Variants in PIGL observed in about 807,000 individuals in gnomAD.
PIGL encodes phosphatidylinositol glycan anchor biosynthesis class L.
PIGL carries 22 observed loss-of-function variants against 31.1 expected under a neutral mutation model. The ratio of observed to expected loss-of-function variants is 0.71; its 90% CI spans 0.51 to 1.01. The LOEUF (loss-of-function observed/expected upper bound fraction) is 1.01. PIGL is among the 50% of genes least tolerant of loss of function. The pLI is 0.00. For missense variants in PIGL, 302 were observed against 315.9 expected (o/e 0.96, Z 0.33); for synonymous variants, 131 against 117.4 (o/e 1.12, Z -0.75).
At chr17:16,293,641 A>G (rs1206761967) in intron 2 of PIGL, among the ~76,000 whole-genome samples, 1 of 152,246 alleles carries the variant, frequency 6.6e-6, no homozygotes, top group Non-Finnish European at 1.5e-5. Context: ...CTGTCAAGCA[A>G]CTAGTGCTTG....
chr17:16,305,896 G>C (rs1600847908), intron 3 of PIGL, among the ~76,000 whole-genome samples: 1 of 152,162 alleles, frequency 6.6e-6, no homozygotes, highest in Non-Finnish European at 1.5e-5. Context: ...TGATCCTCCT[G>C]CCTCAACCTC....
intron 6 of PIGL, 149 bp from the exon 7 acceptor site, chr17:16,325,651 G>C (rs752323859): frequency 2.7e-5 from 17 of 640,564 alleles, no homozygotes; most frequent in Non-Finnish European, 3.8e-5. Context: ...ATCCAGAGAG[G>C]TTCGTGGGTT....
chr17:16,284,438 G>A (rs1162105614), intron 2 of PIGL, among the ~76,000 whole-genome samples: 1 of 152,116 alleles, frequency 6.6e-6, no homozygotes, highest in Non-Finnish European at 1.5e-5. Flanking sequence ...TTCTTGCCTG[G>A]GGACTAGACT....
intron 2 of PIGL, among the ~76,000 whole-genome samples, chr17:16,271,536 C>CT (rs775474586): frequency 0.054 from 7,908 of 146,500 alleles, 680 homozygotes; most frequent in African/African-American, 0.18. Flanking sequence ...ACATAGAACA[C>CT]TTTTTTTTTT....
intron 2 of PIGL, among the ~76,000 whole-genome samples, chr17:16,292,137 C>G (rs1305936597): frequency 6.8e-6 from 1 of 148,012 alleles, no homozygotes; most frequent in African/African-American, 2.5e-5. Context: ...CAGGTTCAAG[C>G]GATCTTCCTG....
At chr17:16,229,753 T>G (rs2092670225) in intron 1 of PIGL, among the ~76,000 whole-genome samples, 1 of 152,100 alleles carries the variant, frequency 6.6e-6, no homozygotes, top group Non-Finnish European at 1.5e-5. Flanking sequence ...GATGAGCATC[T>G]TGCATCTTTT....
intron 2 of PIGL, among the ~76,000 whole-genome samples, chr17:16,277,674 A>G (rs1453526390): frequency 6.6e-6 from 1 of 152,186 alleles, no homozygotes; most frequent in Non-Finnish European, 1.5e-5. Flanking sequence ...CCTACATTCA[A>G]TAACACCTGT....
intron 2 of PIGL, among the ~76,000 whole-genome samples, chr17:16,297,783 G>A (rs1021400297): frequency 6.6e-6 from 1 of 152,104 alleles, no homozygotes; most frequent in Non-Finnish European, 1.5e-5. Context: ...TGGAGTGGCC[G>A]ACAGGATAGG....
At chr17:16,286,241 G>A (rs1331977273) in intron 2 of PIGL, among the ~76,000 whole-genome samples, 1 of 152,262 alleles carries the variant, frequency 6.6e-6, no homozygotes, top group Non-Finnish European at 1.5e-5. Context: ...AGTGGGACTC[G>A]GTTTTCAGAG....
intron 2 of PIGL, among the ~76,000 whole-genome samples, chr17:16,289,324 G>T (rs1430778725): frequency 6.6e-6 from 1 of 152,216 alleles, no homozygotes; most frequent in Admixed American, 6.6e-5. Context: ...TTCAGCAACT[G>T]CCTGATGCAA....
intron 2 of PIGL, among the ~76,000 whole-genome samples, chr17:16,241,758 A>T (rs2092724211): frequency 6.6e-6 from 1 of 152,132 alleles, no homozygotes; most frequent in Non-Finnish European, 1.5e-5. Context: ...TCAGTATTAA[A>T]CAAAATTAGC....
chr17:16,273,283 G>C (rs1226630086), intron 2 of PIGL, among the ~76,000 whole-genome samples: 1 of 152,182 alleles, frequency 6.6e-6, no homozygotes, highest in Non-Finnish European at 1.5e-5. Context: ...GTAGGAATTA[G>C]CCAGGTGCAT....
chr17:16,319,272 C>T (rs1050212900), intron 6 of PIGL, among the ~76,000 whole-genome samples: 1 of 148,028 alleles, frequency 6.8e-6, no homozygotes, highest in South Asian at 2.2e-4. Flanking sequence ...TGAACATTTT[C>T]TCCTATTTCA....
At chr17:16,225,987 A>G (rs2142649390) in intron 1 of PIGL, among the ~76,000 whole-genome samples, 1 of 151,724 alleles carries the variant, frequency 6.6e-6, no homozygotes, top group South Asian at 2.1e-4. Flanking sequence ...CAGCCTGGGC[A>G]ACATAGCCAG....
chr17:16,246,133 T>C (rs1287630261), intron 2 of PIGL, among the ~76,000 whole-genome samples: 1 of 151,472 alleles, frequency 6.6e-6, no homozygotes, highest in East Asian at 2.0e-4. Flanking sequence ...ATGGCACCTA[T>C]ATTTTTTATA....
chr17:16,238,982 A>C (rs2092711515), intron 2 of PIGL, among the ~76,000 whole-genome samples: 1 of 145,616 alleles, frequency 6.9e-6, no homozygotes, highest in Admixed American at 6.9e-5. Flanking sequence ...ACCTCAGATG[A>C]TCCATCCGCC....
In PIGL at chr17:16,245,820, AT is replaced by A. The variant is rs35458445; in HGVS notation, c.335+11759del. The stretch of plus-strand genomic sequence containing the variant: ...CACACACACACATATATATATATAT[AT>A]TTTTTTTTGAGACGGAGTCTCGGAG... On this transcript the variant is annotated intron_variant, in intron 2 of 6. Coordinates refer to ENST00000225609, the MANE Select transcript of PIGL (RefSeq NM_004278.4). Among the ~76,000 whole-genome samples the A allele has an allele frequency of 5.9e-3, 828 of 140,712 alleles. 13 individuals are homozygous for A. Among genetic ancestry groups the A allele is most frequent in the African/African-American group, 0.023 (808 of 34,862 alleles). 92.3% of individuals were successfully genotyped at this position (140,712 alleles called of 152,430 possible).
chr17:16,227,650 G>A (rs1253743078), intron 1 of PIGL, among the ~76,000 whole-genome samples: 1 of 134,722 alleles, frequency 7.4e-6, no homozygotes, highest in Non-Finnish European at 1.5e-5. Flanking sequence ...GCATGATCTC[G>A]GCTCACTGCA....
At chr17:16,300,465 G>A (rs2142836424) in intron 3 of PIGL, among the ~76,000 whole-genome samples, 1 of 152,286 alleles carries the variant, frequency 6.6e-6, no homozygotes, top group South Asian at 2.1e-4. Flanking sequence ...CGGATCACCT[G>A]AAGTCAGGAG....
Sources: allele counts gnomAD v4.1 joint callset (sites outside exome capture counted in the v4.1 genomes callset), GRCh38; gene constraint gnomAD v4.1.1; transcripts MANE v1.5; gene names NCBI Gene and HGNC (gene_info 2026-07-23, HGNC 2026-07-21).